Variants in LIG1 observed in about 807,000 individuals in gnomAD.
LIG1 encodes ligase I, DNA, ATP-dependent.
In LIG1, 70 loss-of-function variants were observed where a neutral mutation model predicts 115.7. That is an observed-to-expected ratio of 0.60 (90% CI 0.50 to 0.74). The LOEUF (loss-of-function observed/expected upper bound fraction) is 0.74, where lower values mean the gene tolerates loss of function less well. LIG1 is among the 30% of genes least tolerant of loss of function. The pLI, the probability that LIG1 is intolerant of heterozygous loss-of-function variation, is 0.00. For synonymous variants in LIG1, 487 were observed against 495.3 expected, an observed-to-expected ratio of 0.98 and a Z score of 0.22; for missense variants, 1,115 against 1,225.6, an observed-to-expected ratio of 0.91 and a Z score of 1.35.
intron 1 of LIG1, among the ~76,000 whole-genome samples, chr19:48,167,849 A>C (rs1490182722): frequency 2.0e-5 from 3 of 151,204 alleles, no homozygotes; most frequent in African/African-American, 7.3e-5. Context: ...AAAAAAAAAA[A>C]ACAAACAAAA....
chr19:48,153,048 T>C (rs1392229600), intron 6 of LIG1, among the ~76,000 whole-genome samples: 1 of 151,834 alleles, frequency 6.6e-6, no homozygotes, highest in Non-Finnish European at 1.5e-5. Flanking sequence ...AATACAAAAA[T>C]TAGCTGGGCG....
intron 9 of LIG1, among the ~76,000 whole-genome samples, chr19:48,148,181 A>T (rs2035242832): frequency 6.6e-6 from 1 of 152,160 alleles, no homozygotes; most frequent in African/African-American, 2.4e-5. Context: ...CATGTTCAGA[A>T]GCAGGGAGGA....
chr19:48,151,202 G>T, intron 7 of LIG1, 30 bp downstream of exon 7: 2 of 1,389,562 alleles, frequency 1.4e-6, no homozygotes, highest in Non-Finnish European at 2.0e-6. Context: ...AGGAGGTGGG[G>T]CAGGGCGGAG....
intron 1 of LIG1, 50 bp from the exon 2 acceptor site, chr19:48,165,673 C>G: frequency 8.0e-7 from 1 of 1,257,024 alleles, no homozygotes; most frequent in Admixed American, 1.7e-5. Flanking sequence ...GTGCAGAGAT[C>G]TAAACACACA....
chr19:48,168,135 G>A (rs1045467815), intron 1 of LIG1, among the ~76,000 whole-genome samples: 2 of 152,130 alleles, frequency 1.3e-5, no homozygotes, highest in Non-Finnish European at 2.9e-5. Flanking sequence ...TCTATAGTAC[G>A]TTCCACCCCA....
rs923798233 is a variant in LIG1, at chr19:48,135,760, C to T, written c.1443G>A (p.Val481=). ...PPGQEFPPAM[V]DAGKGKTAEA... ...CTGCTGTCTTGCCCTTCCCAGCATC[C>T]ACCATGGCTGGTGGGAATTCTAAGA... Residue 481 remains valine (V), a synonymous_variant, in exon 16 of 28, where the codon GTG becomes GTA. Coordinates refer to ENST00000263274, the MANE Select transcript of LIG1 (RefSeq NM_000234.3). 8 of 1,614,026 alleles carry T rather than the reference C, an allele frequency of 5.0e-6. No individual in the cohort carries two copies. The highest frequency in any genetic ancestry group is 1.6e-4 in the Middle Eastern group (1 of 6,084).
At chr19:48,124,630 T>C (rs776005470) in intron 21 of LIG1, among the ~76,000 whole-genome samples, 6 of 152,218 alleles carry the variant, frequency 3.9e-5, no homozygotes, top group Non-Finnish European at 7.3e-5. Flanking sequence ...TCATCACACA[T>C]TGAAAGGATA....
intron 26 of LIG1, 54 bp downstream of exon 26, chr19:48,117,584 G>C: frequency 6.3e-7 from 1 of 1,596,092 alleles, no homozygotes; most frequent in Non-Finnish European, 8.5e-7. Flanking sequence ...TCTGCTCTCT[G>C]TGTGCCCGCC....
chr19:48,120,885 A>T, intron 24 of LIG1: 1 of 1,192,334 alleles, frequency 8.4e-7, no homozygotes. Flanking sequence ...CACACTTCTC[A>T]TTTCATAACA....
chr19:48,151,287 C>G lies in LIG1; in HGVS notation c.519G>C (p.Lys173Asn). 1 of 1,613,858 alleles carries G rather than the reference C, an allele frequency of 6.2e-7. No homozygotes were observed. Among genetic ancestry groups the G allele is most frequent in the Non-Finnish European group, 8.5e-7 (1 of 1,179,842 alleles). Residue 173 changes from lysine to asparagine, a missense_variant, in exon 7 of 28, where the codon AAG (lysine) becomes AAC (asparagine). By Grantham distance (94) the Lys-to-Asn change is moderately conservative. Transcript: ENST00000263274. ...TGGGCTGGTCCCCGTCTTCTCCTTC[C>G]TTCTCTGTGGCCACTTCAGCCTCTG... The part of the protein sequence containing the change: ...SLTEAEVATE[K>N]EGEDGDQPTT...
chr19:48,119,373 A>T (rs2033104356), intron 24 of LIG1, among the ~76,000 whole-genome samples, 183 bp from the exon 25 acceptor site: 1 of 151,980 alleles, frequency 6.6e-6, no homozygotes, highest in Non-Finnish European at 1.5e-5. Context: ...CCCGGGTGGG[A>T]ATGTTCTCCC....
chr19:48,143,757 T>G, intron 10 of LIG1, 126 bp downstream of exon 10: 1 of 1,081,708 alleles, frequency 9.2e-7, no homozygotes, highest in South Asian at 1.3e-5. Context: ...CTTTCAATGC[T>G]GCTGATTGTC....
Position 48,140,111 on chromosome 19 carries a change from A to G in LIG1, c.947T>C (p.Leu316Pro). The G allele has an allele frequency of 6.2e-7, 1 of 1,613,712 alleles. No individual in the cohort carries two copies. Among genetic ancestry groups the G allele is most frequent in the Non-Finnish European group, 8.5e-7 (1 of 1,179,980 alleles). ...LRMVETLSNL[L>P]RSVVALSPPD... ...AGGCGACAGGGCCACCACGGAGCGC[A>G]GCAAGTTGCTCAGCGTCTCCACCAT... is the stretch of plus-strand genomic sequence containing the variant. Residue 316 changes from leucine to proline, a missense_variant, in exon 12 of 28, where the codon CTG (leucine) becomes CCG (proline). Leu to Pro is a moderately conservative substitution (Grantham distance 98, BLOSUM62 -3). Coordinates refer to ENST00000263274, the MANE Select transcript of LIG1 (RefSeq NM_000234.3).
intron 4 of LIG1, among the ~76,000 whole-genome samples, chr19:48,159,318 C>T (rs778664992): frequency 2.8e-4 from 43 of 152,166 alleles, no homozygotes; most frequent in Non-Finnish European, 6.2e-4. Context: ...GATCCACCCG[C>T]CTTGGCCTCC....
At chr19:48,143,646 C>T (rs1197534971) in intron 10 of LIG1, 47 bp from the exon 11 acceptor site, 4 of 1,523,198 alleles carry the variant, frequency 2.6e-6, no homozygotes, top group Non-Finnish European at 3.6e-6. Flanking sequence ...GCAGGCTATA[C>T]CATGCTGCCC....
chr19:48,139,302 T>C (rs1323923426), intron 12 of LIG1, among the ~76,000 whole-genome samples: 19 of 152,326 alleles, frequency 1.2e-4, no homozygotes, highest in Middle Eastern at 3.4e-3. Context: ...GACGGCTTTG[T>C]CATCCATCCA....
chr19:48,159,153 C>A (rs1433559695), intron 4 of LIG1, among the ~76,000 whole-genome samples: 1 of 151,876 alleles, frequency 6.6e-6, no homozygotes, highest in Non-Finnish European at 1.5e-5. Flanking sequence ...TCTCGGCTCA[C>A]CACAACCTCC....
intron 14 of LIG1, among the ~76,000 whole-genome samples, chr19:48,136,691 T>C (rs1394509452): frequency 6.6e-6 from 1 of 152,186 alleles, no homozygotes; most frequent in Non-Finnish European, 1.5e-5. Context: ...TTGCTCTCAC[T>C]GTCATGGCAA....
At chr19:48,152,061 C>T (rs1246151764) in intron 6 of LIG1, among the ~76,000 whole-genome samples, 2 of 152,166 alleles carry the variant, frequency 1.3e-5, no homozygotes, top group Non-Finnish European at 2.9e-5. Flanking sequence ...CCTCACTGGA[C>T]ACTGACAGTG....
Sources: gnomAD v4.1 joint callset for allele counts (sites outside exome capture counted in the v4.1 genomes callset) on GRCh38, gnomAD v4.1.1 for gene constraint, MANE v1.5 for transcripts, NCBI Gene and HGNC (gene_info 2026-07-23, HGNC 2026-07-21) for gene names.